The following AKAP10 variants were observed in gnomAD, a reference collection of about 807,000 sequenced individuals.
AKAP10 encodes A-kinase anchoring protein 10, also known as A-kinase anchor protein 10, mitochondrial.
A neutral mutation model predicts 80.8 loss-of-function variants in AKAP10; 24 were observed. The observed-to-expected ratio is 0.30, with a 90% CI of 0.22 to 0.42. The LOEUF is 0.42. Ranked by LOEUF, AKAP10 falls within the 10% of genes least tolerant of loss-of-function variation. The pLI is 1.00. For synonymous variants in AKAP10, 291 were observed against 277.7 expected (o/e 1.05, Z -0.48); for missense variants, 661 against 794.9 (o/e 0.83, Z 2.03).
intron 12 of AKAP10, among the ~76,000 whole-genome samples, chr17:19,912,296 G>A (rs1173945806): frequency 6.6e-6 from 1 of 152,132 alleles, no homozygotes. Flanking sequence ...CAGCACTTTG[G>A]GAAACTGAGA....
intron 12 of AKAP10, among the ~76,000 whole-genome samples, chr17:19,917,047 G>A (rs1034694813): frequency 2.6e-5 from 4 of 151,854 alleles, no homozygotes; most frequent in African/African-American, 7.3e-5. Flanking sequence ...AGCGGATCAC[G>A]AGGTCAGGAG....
chr17:19,923,424 C>G (rs1192264887), intron 11 of AKAP10, among the ~76,000 whole-genome samples: 1 of 152,096 alleles, frequency 6.6e-6, no homozygotes, highest in Non-Finnish European at 1.5e-5. Context: ...CTACACAAAG[C>G]TGACACAGCT....
chr17:19,961,846 T>C (rs1037739968), intron 3 of AKAP10, among the ~76,000 whole-genome samples: 20 of 152,162 alleles, frequency 1.3e-4, no homozygotes, highest in Admixed American at 1.1e-3. Flanking sequence ...CCAGGTGTGG[T>C]GGTTCACGTT....
At chr17:19,916,151 G>A (rs374375997) in intron 12 of AKAP10, among the ~76,000 whole-genome samples, 40 of 152,258 alleles carry the variant, frequency 2.6e-4, no homozygotes, top group African/African-American at 8.9e-4. Flanking sequence ...CCCCCGCTGC[G>A]CTCAGGTCTA....
At chr17:19,947,100 C>T in intron 5 of AKAP10, 1 of 325,170 alleles carries the variant, frequency 3.1e-6, no homozygotes, top group South Asian at 3.4e-5. Flanking sequence ...GGCTGCCGGC[C>T]AGTCCATCCG....
At chr17:19,967,613 T>G (rs1597531254) in intron 2 of AKAP10, among the ~76,000 whole-genome samples, 1 of 152,252 alleles carries the variant, frequency 6.6e-6, no homozygotes. Flanking sequence ...CCAGGCATGG[T>G]GGCTCACGCC....
At chr17:19,944,523 C>T (rs188395585) in intron 5 of AKAP10, among the ~76,000 whole-genome samples, 194 of 151,934 alleles carry the variant, frequency 1.3e-3, no homozygotes, top group African/African-American at 4.0e-3. Flanking sequence ...GGCGTGGTGG[C>T]GAGCGCCTGT....
intron 4 of AKAP10, among the ~76,000 whole-genome samples, chr17:19,957,377 T>G (rs970473957): frequency 1.3e-5 from 2 of 151,870 alleles, no homozygotes; most frequent in Admixed American, 6.6e-5. Context: ...CCGTCTCTAC[T>G]AAAAATACAA....
chr17:19,925,177 TAAA>T (rs1342745460), intron 10 of AKAP10, among the ~76,000 whole-genome samples: 2 of 151,826 alleles, frequency 1.3e-5, no homozygotes, highest in Admixed American at 1.3e-4. Context: ...AACTAAAAAA[TAAA>T]ATAAAATAAA....
At chr17:19,968,662 AGAGTT>A (rs533009639) in intron 1 of AKAP10, among the ~76,000 whole-genome samples, 284 of 152,320 alleles carry the variant, frequency 1.9e-3, no homozygotes, top group African/African-American at 6.5e-3. Flanking sequence ...TCCAGTCAAA[AGAGTT>A]GAACCTGCTT....
Position 19,948,858 on chromosome 17 carries a change from G to T in AKAP10, c.878-1353C>A, listed in dbSNP as rs117377788. 8.0e-3 allele frequency among the ~76,000 whole-genome samples: 1,213 copies of T among 152,264 alleles called. 6 individuals are homozygous for T. The highest frequency in any genetic ancestry group is 0.013 in the Non-Finnish European group (910 of 68,024). ...CACAGAAAGGCACATAAGCAGATAA[G>T]ATACAAAACTGAACTGATGATGGAA... is the stretch of plus-strand genomic sequence containing the variant. On this transcript the variant is annotated intron_variant, in intron 4 of 14. Coordinates refer to ENST00000225737, the MANE Select transcript of AKAP10 (RefSeq NM_007202.4).
At chr17:19,921,929 T>C (rs1427483130) in intron 11 of AKAP10, among the ~76,000 whole-genome samples, 1 of 152,078 alleles carries the variant, frequency 6.6e-6, no homozygotes, top group African/African-American at 2.4e-5. Flanking sequence ...TAGATGAACA[T>C]AGGAATGTCC....
chr17:19,957,404 T>C (rs2043290513), intron 4 of AKAP10, among the ~76,000 whole-genome samples: 1 of 151,704 alleles, frequency 6.6e-6, no homozygotes, highest in Non-Finnish European at 1.5e-5. Flanking sequence ...TAGCCGGGTG[T>C]GGTGGCAGGC....
intron 4 of AKAP10, 115 bp from the exon 5 acceptor site, chr17:19,947,620 T>G: frequency 3.9e-6 from 3 of 774,092 alleles, no homozygotes; most frequent in Non-Finnish European, 6.7e-6. Flanking sequence ...CAAAATAAAC[T>G]TCCATCACAA....
chr17:19,926,708 G>A (rs548634822), intron 10 of AKAP10, among the ~76,000 whole-genome samples: 5 of 152,162 alleles, frequency 3.3e-5, no homozygotes, highest in Non-Finnish European at 5.9e-5. Context: ...AGGAATAAAT[G>A]ACCCAAGGAG....
In AKAP10 at chr17:19,931,948, G is replaced by A; in HGVS notation, c.1498C>T (p.Leu500Phe). Residue 500 changes from leucine (L) to phenylalanine (F), a missense_variant, in exon 10 of 15, where the codon CTT becomes TTT. Physicochemically the swap from Leu to Phe is conservative, Grantham distance 22. Coordinates refer to ENST00000225737, the MANE Select transcript of AKAP10 (RefSeq NM_007202.4). ...VFLPGFLSSN[L>F]YYKYLNDLIH... Reference sequence around the variant, plus strand: ...AGATCATTCAAATATTTATAATAAAGATTGCTGGACAAAAAGCCAGGCAAA... The same window carrying A: ...AGATCATTCAAATATTTATAATAAAAATTGCTGGACAAAAAGCCAGGCAAA... The A allele has an allele frequency of 6.2e-7, 1 of 1,613,566 alleles. No homozygotes were observed. Among genetic ancestry groups the A allele is most frequent in the South Asian group, 1.1e-5 (1 of 90,926 alleles).
At chr17:19,974,261 CTA>C (rs1043301708) in intron 1 of AKAP10, among the ~76,000 whole-genome samples, 31 of 152,184 alleles carry the variant, frequency 2.0e-4, no homozygotes, top group African/African-American at 7.2e-4. Context: ...TTTAAAATGA[CTA>C]AATCTGGCAT....
intron 11 of AKAP10, among the ~76,000 whole-genome samples, chr17:19,922,371 A>G (rs2152411363): frequency 6.6e-6 from 1 of 152,348 alleles, no homozygotes; most frequent in East Asian, 1.9e-4. Context: ...GAAAAATTTC[A>G]GAAAGATGCT....
chr17:19,940,195 T>C (rs2043037578), intron 7 of AKAP10, among the ~76,000 whole-genome samples: 1 of 152,206 alleles, frequency 6.6e-6, no homozygotes, highest in African/African-American at 2.4e-5. Flanking sequence ...TATCTGATCA[T>C]TTCCACCATT....
Sources: allele counts gnomAD v4.1 joint callset (sites outside exome capture counted in the v4.1 genomes callset), GRCh38; gene constraint gnomAD v4.1.1; transcripts MANE v1.5; gene names NCBI Gene and HGNC (gene_info 2026-07-23, HGNC 2026-07-21).